NFASC: variants seen among roughly 807,000 people sequenced by gnomAD.
NFASC encodes neurofascin homolog.
NFASC carries 43 observed loss-of-function variants against 147.5 expected under a neutral mutation model. That is an observed-to-expected ratio of 0.29 (90% CI 0.23 to 0.38). The LOEUF (loss-of-function observed/expected upper bound fraction) is 0.38, where lower values mean the gene tolerates loss of function less well. Ranked by LOEUF, NFASC falls within the 10% of genes least tolerant of loss-of-function variation. NFASC has a pLI of 1.00. For synonymous variants in NFASC, 622 were observed against 665.5 expected (o/e 0.93, Z 1.01); for missense variants, 1,320 against 1,689.0 (o/e 0.78, Z 3.83).
chr1:204,932,874 G>A (rs141859387), intron 2 of NFASC, among the ~76,000 whole-genome samples: 10 of 152,138 alleles, frequency 6.6e-5, no homozygotes, highest in Non-Finnish European at 7.4e-5. Context: ...TTCTTCACTC[G>A]GCAGATGTCT....
intron 27 of NFASC, among the ~76,000 whole-genome samples, chr1:205,008,243 G>A (rs2096174942): frequency 6.6e-6 from 1 of 152,178 alleles, no homozygotes; most frequent in Admixed American, 6.5e-5. Context: ...AACAGTTTCT[G>A]CCCCCAAGAG....
At position 204,828,715 on chromosome 1, in the gene NFASC, G is replaced by C; in HGVS notation, c.-267G>C. On this transcript the variant is annotated 5_prime_UTR_variant, in exon 1 of 30. Coordinates refer to ENST00000339876, the MANE Select transcript of NFASC (RefSeq NM_001005388.3). Reference sequence around the variant, plus strand: ...GGCGAGAGGCGCTGCAGGGGACGCGGGGGAAGTGGCGGCGCCGGCAGCGGA... The same window carrying C: ...GGCGAGAGGCGCTGCAGGGGACGCGCGGGAAGTGGCGGCGCCGGCAGCGGA... 1 of 985,686 alleles carries C rather than the reference G, an allele frequency of 1.0e-6. No homozygotes were observed. The highest frequency in any genetic ancestry group is 1.2e-6 in the Non-Finnish European group (1 of 830,184). 61.1% of individuals were successfully genotyped at this position (985,686 alleles called of 1,614,324 possible).
At position 205,015,014 on chromosome 1, in the gene NFASC, G is replaced by T. The variant is rs2151097291; in HGVS notation, c.3492-1294G>T. ...ACGGCTGTCCCACGAATACAGTTAGGCTGTATTCGTGGGGCAGCACTGTGG... is the reference window on the plus strand; with the variant it reads ...ACGGCTGTCCCACGAATACAGTTAGTCTGTATTCGTGGGGCAGCACTGTGG... On this transcript the variant is annotated intron_variant, in intron 29 of 29. Transcript: ENST00000339876. The surrounding 1 kb of genome is among the most constrained non-coding windows in gnomAD (Gnocchi z 4.0). Among the ~76,000 whole-genome samples, 1 of 152,176 alleles carries T rather than the reference G, an allele frequency of 6.6e-6. No homozygotes were observed. Among genetic ancestry groups the T allele is most frequent in the South Asian group, 2.1e-4 (1 of 4,818 alleles).
intron 1 of NFASC, among the ~76,000 whole-genome samples, chr1:204,857,919 C>CTT (rs58996261): frequency 1.6e-4 from 19 of 122,562 alleles, no homozygotes; most frequent in Non-Finnish European, 2.3e-4. Flanking sequence ...TCTTCTTCTT[C>CTT]TTTTTTTTTT....
chr1:204,938,872 G>C (rs1401819334), intron 2 of NFASC, among the ~76,000 whole-genome samples: 1 of 152,216 alleles, frequency 6.6e-6, no homozygotes, highest in African/African-American at 2.4e-5. Flanking sequence ...TATGTTTGAA[G>C]AGTGTCCAGG....
At chr1:204,897,366 G>A (rs1353028625) in intron 1 of NFASC, among the ~76,000 whole-genome samples, 2 of 152,126 alleles carry the variant, frequency 1.3e-5, no homozygotes, top group East Asian at 3.9e-4. Flanking sequence ...GCAGAGCAGA[G>A]GAGGAAACCC....
In NFASC at chr1:205,001,196, G is replaced by A. The variant is rs750429941; in HGVS notation, c.3046G>A (p.Val1016Ile). Residue 1016 changes from valine to isoleucine, a missense_variant, in exon 26 of 30, where the codon GTC (valine) becomes ATC (isoleucine). This residue lies in a region of NFASC where 172 missense variants were observed against 165.8 expected (regional missense o/e 1.04). Transcript: ENST00000339876. ...CCCTGATGAGCAGTCCATATGGAAC[G>A]TCACGGTGCTCCCCAACAGTAAATG... Reference protein sequence around the residue: ...SAPDEQSIWNVTVLPNSKWAN... With the variant: ...SAPDEQSIWNITVLPNSKWAN... 1.9e-5 allele frequency: 30 copies of A among 1,611,666 alleles called. No homozygotes were observed. The Admixed American group carries it at 2.2e-4, about 12-fold the overall frequency.
chr1:204,841,015 C>T (rs917668240), intron 1 of NFASC, among the ~76,000 whole-genome samples: 1 of 152,216 alleles, frequency 6.6e-6, no homozygotes, highest in East Asian at 1.9e-4. Flanking sequence ...TATAAGAATT[C>T]ATTTCCAAAG....
chr1:204,906,687 A>C (rs1393241111), intron 1 of NFASC, among the ~76,000 whole-genome samples: 1 of 145,704 alleles, frequency 6.9e-6, no homozygotes, highest in African/African-American at 2.5e-5. Flanking sequence ...ACATATATGC[A>C]TTTTTTTTTT....
rs186935431 is a variant in NFASC, at chr1:204,987,244, T to C, written c.2471-174T>C. The C allele has an allele frequency of 8.2e-6, 5 of 612,378 alleles. No individual in the cohort carries two copies. The African/African-American group carries it at 9.2e-5, about 11-fold the overall frequency. The allele number at this position is 612,378 out of a possible 1,614,324, so 37.9% of individuals were successfully genotyped here. A position where few individuals can be genotyped will look rare whatever the true frequency, so the allele number is the denominator to read the frequency against. On this transcript the variant is annotated intron_variant, in intron 21 of 29. Transcript: ENST00000339876. The surrounding 1 kb of genome is among the most constrained non-coding windows in gnomAD (Gnocchi z 4.4). Reference sequence around the variant, plus strand: ...GACCTGAAGGAAATAGCATCCTGGATGGGGCAATGGGCTCCGGTCGTCTCA... The same window carrying C: ...GACCTGAAGGAAATAGCATCCTGGACGGGGCAATGGGCTCCGGTCGTCTCA...
chr1:204,948,048 C>T (rs1352169389), intron 3 of NFASC, among the ~76,000 whole-genome samples: 2 of 152,230 alleles, frequency 1.3e-5, no homozygotes, highest in African/African-American at 4.8e-5. Context: ...CTCAATCACA[C>T]GCACTCACGT....
Position 204,997,195 on chromosome 1 carries a change from C to A in NFASC, c.2808C>A (p.Thr936=). The change falls in exon 25 of 30, where the codon ACC becomes ACA. Residue 936 remains threonine, a synonymous_variant. Coordinates refer to ENST00000339876, the MANE Select transcript of NFASC (RefSeq NM_001005388.3). ...TAAPPTLPPT[T]VGATGAVSST... is the part of the protein sequence containing the mutation. ...CTCCTCCCACATTGCCCCCGACTACCGTGGGTGCGACGGGCGCTGTGAGCA... is the reference window on the plus strand; with the variant it reads ...CTCCTCCCACATTGCCCCCGACTACAGTGGGTGCGACGGGCGCTGTGAGCA... The A allele has an allele frequency of 6.2e-7, 1 of 1,613,316 alleles. No homozygotes were observed. Among genetic ancestry groups the A allele is most frequent in the Non-Finnish European group, 8.5e-7 (1 of 1,179,380 alleles).
intron 7 of NFASC, among the ~76,000 whole-genome samples, chr1:204,955,400 A>G (rs1017004052): frequency 5.3e-5 from 8 of 152,206 alleles, no homozygotes; most frequent in African/African-American, 1.9e-4. Flanking sequence ...CAATTGGCCA[A>G]TTGAAAGTGG....
chr1:204,951,835 G>A (rs2094145563), intron 4 of NFASC, among the ~76,000 whole-genome samples, 176 bp from the exon 5 acceptor site: 2 of 151,968 alleles, frequency 1.3e-5, no homozygotes. Context: ...TCTTTCCTGC[G>A]GCACCATTTA....
intron 8 of NFASC, among the ~76,000 whole-genome samples, chr1:204,965,447 C>G (rs1366887010): frequency 6.6e-6 from 1 of 152,196 alleles, no homozygotes; most frequent in Non-Finnish European, 1.5e-5. Flanking sequence ...ATAACCTTTC[C>G]TTTAGGGCCA....
In NFASC at chr1:204,995,490, C is replaced by T. The variant is rs79202832; in HGVS notation, c.2783-1680C>T. On this transcript the variant is annotated intron_variant, in intron 24 of 29. Transcript: ENST00000339876. ...GAATCTGAGAGGGAGAGTTGCCCCA[C>T]CGCTCACCCCTCCGCACGCCGCCCT... Among the ~76,000 whole-genome samples the T allele has an allele frequency of 6.3e-3, 956 of 152,138 alleles. 5 individuals are homozygous for T. The highest frequency in any genetic ancestry group is 9.3e-3 in the Non-Finnish European group (631 of 68,014).
At chr1:204,977,879 C>T (rs3892308) in intron 17 of NFASC, among the ~76,000 whole-genome samples, 154 bp downstream of exon 17, 22,843 of 152,150 alleles carry the variant, frequency 0.15, 1,876 homozygotes, top group Non-Finnish European at 0.19. Flanking sequence ...GAGTTGCCCA[C>T]GTCCACCTCC....
intron 2 of NFASC, among the ~76,000 whole-genome samples, chr1:204,922,516 T>G (rs2090691819): frequency 6.6e-6 from 1 of 152,224 alleles, no homozygotes. Flanking sequence ...GTCAACACAA[T>G]TCAGTGATAT....
At position 204,986,107 on chromosome 1, in the gene NFASC, G is replaced by A. The variant is rs141864015; in HGVS notation, c.2471-1311G>A. The A allele has an allele frequency of 1.9e-4, 303 of 1,613,130 alleles. No individual in the cohort carries two copies. In the African/African-American group the frequency reaches 2.7e-3, roughly 15 times the overall value. ...GTGAGACCAAGGAGTTCACCACCCC[G>A]GAAGGAGGTAGGTCTGGCCTGCAGC... On this transcript the variant is annotated intron_variant, in intron 21 of 29. Coordinates refer to ENST00000339876, the MANE Select transcript of NFASC (RefSeq NM_001005388.3). This position sits in a 1 kb window ranked among gnomAD's most constrained non-coding sequence, Gnocchi z 4.2.
Sources: gnomAD v4.1 joint callset for allele counts (sites outside exome capture counted in the v4.1 genomes callset) on GRCh38, gnomAD v4.1.1 for gene constraint, gnomAD v4.1.1 regional missense constraint, Gnocchi (gnomAD v3.1) non-coding constraint, MANE v1.5 for transcripts, NCBI Gene and HGNC (gene_info 2026-07-23, HGNC 2026-07-21) for gene names.